CDK13: variants seen among roughly 807,000 people sequenced by gnomAD.
CDK13 encodes the protein cyclin dependent kinase 13.
A neutral mutation model predicts 137.6 loss-of-function variants in CDK13; 40 were observed. The ratio of observed to expected loss-of-function variants is 0.29; its 90% confidence interval spans 0.23 to 0.38. CDK13 has a LOEUF of 0.38. Ranked by LOEUF, CDK13 falls within the 10% of genes least tolerant of loss-of-function variation. The pLI, the probability that CDK13 is intolerant of heterozygous loss-of-function variation, is 1.00. For synonymous variants in CDK13, 869 were observed against 760.1 expected, an observed-to-expected ratio of 1.14 and a Z score of -2.36; for missense variants, 1,704 against 1,951.8, an observed-to-expected ratio of 0.87 and a Z score of 2.39.
intron 1 of CDK13, among the ~76,000 whole-genome samples, chr7:39,967,395 G>A (rs1057174424): frequency 6.6e-6 from 1 of 151,802 alleles, no homozygotes. Flanking sequence ...CCACGCCTCT[G>A]CACTCCAGCC....
chr7:39,969,351 G>A (rs529771953), intron 1 of CDK13, among the ~76,000 whole-genome samples: 1 of 152,194 alleles, frequency 6.6e-6, no homozygotes, highest in African/African-American at 2.4e-5. Flanking sequence ...CATTAATCTC[G>A]TTCAGAAGTG....
At chr7:39,989,513 A>T (rs1583953863) in intron 2 of CDK13, among the ~76,000 whole-genome samples, 1 of 152,136 alleles carries the variant, frequency 6.6e-6, no homozygotes, top group South Asian at 2.1e-4. Flanking sequence ...GTGAAATAAT[A>T]ATTCTTGAGT....
chr7:40,086,809 CTTTTTTTT>C (rs35337864), intron 11 of CDK13, among the ~76,000 whole-genome samples: 3 of 122,492 alleles, frequency 2.4e-5, no homozygotes, highest in African/African-American at 5.8e-5. Flanking sequence ...TAGCCTTACT[CTTTTTTTT>C]TTTTTTTTTT....
Position 39,951,734 on chromosome 7 carries a change from C to G in CDK13, c.1093C>G (p.Arg365Gly), listed in dbSNP as rs771169130. Residue 365 changes from arginine (R) to glycine (G), a missense_variant, in exon 1 of 14, where the codon CGC (arginine) becomes GGC (glycine). This residue lies in a region of CDK13 where 1,051 missense variants were observed against 931.0 expected (regional missense o/e 1.13). Coordinates refer to ENST00000181839, the MANE Select transcript of CDK13 (RefSeq NM_003718.5). ...LPRSPSPYSRRRSPSYSRHSS... is the reference protein window; with the variant it reads ...LPRSPSPYSRGRSPSYSRHSS... ...GCGCTCCCCGAGCCCCTACAGTCGC[C>G]GCCGCTCCCCCAGCTACAGCCGCCA... 4 of 1,486,566 alleles carry G rather than the reference C, an allele frequency of 2.7e-6. No individual in the cohort carries two copies. Among genetic ancestry groups the G allele is most frequent in the Non-Finnish European group, 3.5e-6 (4 of 1,129,052 alleles). The allele number at this position is 1,486,566 out of a possible 1,614,324, so 92.1% of individuals were successfully genotyped here. A position where few individuals can be genotyped will look rare whatever the true frequency, so the allele number is the denominator to read the frequency against.
chr7:39,993,624 C>G (rs1420280849), intron 2 of CDK13, among the ~76,000 whole-genome samples: 2 of 151,926 alleles, frequency 1.3e-5, no homozygotes, highest in African/African-American at 4.8e-5. Flanking sequence ...TCTTGACTTG[C>G]TTTTTCATTT....
At chr7:39,993,676 A>G (rs1025702665) in intron 2 of CDK13, among the ~76,000 whole-genome samples, 1 of 152,048 alleles carries the variant, frequency 6.6e-6, no homozygotes, top group Non-Finnish European at 1.5e-5. Context: ...GATGGGCCCA[A>G]TATTCTTATT....
At chr7:40,089,333 A>G (rs1786863344) in intron 12 of CDK13, among the ~76,000 whole-genome samples, 1 of 151,180 alleles carries the variant, frequency 6.6e-6, no homozygotes, top group South Asian at 2.1e-4. Context: ...CCAGCTACTC[A>G]GGAGGCTCAG....
intron 9 of CDK13, among the ~76,000 whole-genome samples, chr7:40,068,418 A>G (rs1468301375): frequency 6.6e-6 from 1 of 151,868 alleles, no homozygotes; most frequent in Non-Finnish European, 1.5e-5. Context: ...ATAGTTGGTC[A>G]GGCACAATGG....
At chr7:39,976,323 T>TCTCTCCCACACACACACACACACA in intron 1 of CDK13, among the ~76,000 whole-genome samples, 1 of 39,548 alleles carries the variant, frequency 2.5e-5, no homozygotes. Flanking sequence ...TCTCTCTCTC[T>TCTCTCCCACACACACACACACACA]CACACACACA....
At chr7:39,964,816 A>C (rs1783831240) in intron 1 of CDK13, among the ~76,000 whole-genome samples, 1 of 151,906 alleles carries the variant, frequency 6.6e-6, no homozygotes, top group Non-Finnish European at 1.5e-5. Flanking sequence ...AGATTCTGGT[A>C]TGTTGTGTCT....
intron 2 of CDK13, among the ~76,000 whole-genome samples, chr7:39,992,166 GT>G (rs1562716897): frequency 0.015 from 709 of 47,154 alleles, 2 homozygotes; most frequent in African/African-American, 0.055. Context: ...TAATGAGGGT[GT>G]GTGTGTGTGT....
At chr7:40,020,379 A>G (rs1219180292) in intron 5 of CDK13, among the ~76,000 whole-genome samples, 1 of 152,040 alleles carries the variant, frequency 6.6e-6, no homozygotes, top group East Asian at 1.9e-4. Context: ...AAATTGTTTT[A>G]TCGCCTCATG....
chr7:40,023,502 C>T (rs1209833684), intron 5 of CDK13, among the ~76,000 whole-genome samples: 1 of 135,030 alleles, frequency 7.4e-6, no homozygotes, highest in Non-Finnish European at 1.7e-5. Flanking sequence ...TTGGATTGAT[C>T]TCTTTTTTTT....
chr7:40,098,407 A>C lies in CDK13; in HGVS notation c.*3427A>C, dbSNP rs1288831743. The C allele has an allele frequency of 2.7e-5, 4 of 149,830 alleles. No individual in the cohort carries two copies. Among genetic ancestry groups the C allele is most frequent in the African/African-American group, 9.8e-5 (4 of 40,672 alleles). 9.3% of individuals were successfully genotyped at this position (149,830 alleles called of 1,614,324 possible). ...TTTTTTCTTTTTTTAGGGGAAGGGG[A>C]CTTGCTTTCTTTTCCAAAAAGGTGA... On this transcript the variant is annotated 3_prime_UTR_variant, in exon 14 of 14. Transcript: ENST00000181839.
intron 5 of CDK13, among the ~76,000 whole-genome samples, chr7:40,005,418 T>C (rs1195955432): frequency 6.6e-6 from 1 of 151,898 alleles, no homozygotes; most frequent in Non-Finnish European, 1.5e-5. Context: ...GCCTTCCAAG[T>C]AGCCAGCATT....
At chr7:40,057,576 G>A (rs936020894) in intron 7 of CDK13, among the ~76,000 whole-genome samples, 6 of 152,358 alleles carry the variant, frequency 3.9e-5, no homozygotes, top group African/African-American at 1.2e-4. Context: ...GCCATAGAAG[G>A]GAGGAGTAAC....
intron 1 of CDK13, among the ~76,000 whole-genome samples, chr7:39,971,224 T>C (rs1473575446): frequency 6.6e-6 from 1 of 152,048 alleles, no homozygotes; most frequent in Non-Finnish European, 1.5e-5. Context: ...GTTTTATAAT[T>C]TTATTTTCTA....
intron 5 of CDK13, among the ~76,000 whole-genome samples, chr7:40,028,106 G>A (rs1785284389): frequency 1.3e-5 from 2 of 151,286 alleles, no homozygotes; most frequent in Admixed American, 1.3e-4. Flanking sequence ...TCAGTATGGT[G>A]TTAGAATGCC....
intron 7 of CDK13, among the ~76,000 whole-genome samples, chr7:40,060,283 C>T (rs1786113163): frequency 6.6e-6 from 1 of 152,000 alleles, no homozygotes; most frequent in Non-Finnish European, 1.5e-5. Flanking sequence ...ATACAAGACA[C>T]TAAAAATATT....
Sources: allele counts gnomAD v4.1 joint callset (sites outside exome capture counted in the v4.1 genomes callset), GRCh38; gene constraint gnomAD v4.1.1; regional missense constraint gnomAD v4.1.1; transcripts MANE v1.5; gene names NCBI Gene and HGNC (gene_info 2026-07-23, HGNC 2026-07-21).